The following PCYT1A variants were observed in gnomAD, a reference collection of about 807,000 sequenced individuals.
PCYT1A encodes the protein choline-phosphate cytidylyltransferase A.
Under a neutral mutation model 43.7 loss-of-function variants are expected in PCYT1A, and 25 were observed. The ratio of observed to expected loss-of-function variants is 0.57; its 90% CI spans 0.42 to 0.80. PCYT1A has a LOEUF of 0.80. Among genes scored for constraint, PCYT1A ranks in the 30% least tolerant of loss-of-function variants. The pLI is 0.00. For synonymous variants in PCYT1A, 172 were observed against 170.7 expected, an observed-to-expected ratio of 1.01 and a Z score of -0.06; for missense variants, 421 against 474.2, an observed-to-expected ratio of 0.89 and a Z score of 1.04.
Position 196,238,823 on chromosome 3 carries a change from G to GC in PCYT1A, c.968dup (p.Ser323ArgfsTer38), listed in dbSNP as rs587777196. 13 of 1,569,614 alleles carry GC rather than the reference G, an allele frequency of 8.3e-6. No individual in the cohort carries two copies. The African/African-American group carries it at 1.2e-4, about 15-fold the overall frequency. ...GGGAGGGGGAGCGCTCGCGAGTAGG[G>GC]CTGCTGCTGGGGCTCTGCTTCGGGC... On this transcript the variant is annotated frameshift_variant, in exon 9 of 9. Transcript: ENST00000431016. LOFTEE classifies it high-confidence loss of function.
chr3:196,274,512 A>C (rs936406752), intron 1 of PCYT1A, among the ~76,000 whole-genome samples: 30 of 152,152 alleles, frequency 2.0e-4, no homozygotes, highest in Non-Finnish European at 8.8e-5. Flanking sequence ...TACTGATGAA[A>C]TTTTAGGAAT....
intron 5 of PCYT1A, among the ~76,000 whole-genome samples, chr3:196,246,111 A>G (rs1294235824): frequency 6.6e-6 from 1 of 152,184 alleles, no homozygotes; most frequent in African/African-American, 2.4e-5. Context: ...CTTTGGTGCC[A>G]CTGGCTGCTA....
chr3:196,260,594 G>A (rs1174028381), intron 2 of PCYT1A, among the ~76,000 whole-genome samples: 1 of 152,160 alleles, frequency 6.6e-6, no homozygotes, highest in Non-Finnish European at 1.5e-5. Context: ...TGTAATCCCA[G>A]CACTTTGGGA....
intron 3 of PCYT1A, among the ~76,000 whole-genome samples, chr3:196,249,549 A>T (rs1724683167): frequency 6.6e-6 from 1 of 152,194 alleles, no homozygotes; most frequent in Non-Finnish European, 1.5e-5. Flanking sequence ...AGAAGCCAGG[A>T]AATGATTTCC....
intron 5 of PCYT1A, among the ~76,000 whole-genome samples, chr3:196,243,976 C>T (rs1195063961): frequency 5.9e-5 from 9 of 152,140 alleles, no homozygotes; most frequent in East Asian, 1.9e-4. Flanking sequence ...AAGTGAGGAG[C>T]GTCTCTGCCT....
At chr3:196,258,079 G>A (rs989303030) in intron 2 of PCYT1A, among the ~76,000 whole-genome samples, 192 bp from the exon 3 acceptor site, 19 of 152,154 alleles carry the variant, frequency 1.2e-4, no homozygotes, top group African/African-American at 4.3e-4. Context: ...GAGGTCAGGA[G>A]ATTGAGACAA....
chr3:196,267,396 A>G (rs1286084129), intron 2 of PCYT1A: 1 of 452,460 alleles, frequency 2.2e-6, no homozygotes. Flanking sequence ...ACTGCTAATG[A>G]GTACAGGCCT....
chr3:196,246,937 T>TTG, intron 5 of PCYT1A, among the ~76,000 whole-genome samples: 1 of 151,416 alleles, frequency 6.6e-6, no homozygotes, highest in Admixed American at 6.6e-5. Flanking sequence ...GTGGTGTAAC[T>TTG]TGTGGCGAGT....
rs1480730124 is a variant in PCYT1A, at chr3:196,252,022, G to A, written c.218-3699C>T. 1.3e-5 allele frequency among the ~76,000 whole-genome samples: 2 copies of A among 151,878 alleles called. No individual in the cohort carries two copies. Among genetic ancestry groups the A allele is most frequent in the African/African-American group, 2.4e-5 (1 of 41,310 alleles). The stretch of plus-strand genomic sequence containing the variant: ...CCTCCCAGGCTCAAATGATCCTCCC[G>A]CCTCAGCCTCCCGAGAAGCTGGGAC... On this transcript the variant is annotated intron_variant, in intron 3 of 8. Transcript: ENST00000431016. The surrounding 1 kb of genome is among the most constrained non-coding windows in gnomAD (Gnocchi z 4.0).
At position 196,238,735 on chromosome 3, in the gene PCYT1A, T is replaced by G. The variant is rs1303260860; in HGVS notation, c.1057A>C (p.Arg353=). The G allele has an allele frequency of 6.3e-7, 1 of 1,591,562 alleles. No homozygotes were observed. Among genetic ancestry groups the G allele is most frequent in the Non-Finnish European group, 8.5e-7 (1 of 1,170,000 alleles). The change falls in exon 9 of 9, where the codon AGG becomes CGG. Residue 353 remains arginine (R), a synonymous_variant. Transcript: ENST00000431016. ...SPPCSPANLS[R]HKAAAYDISE... is the part of the protein sequence containing the mutation. The stretch of plus-strand genomic sequence containing the variant: ...ATATCATAGGCTGCAGCCTTGTGCC[T>G]GGAGAGATTTGCTGGGGAGCAAGGT...
intron 2 of PCYT1A, chr3:196,267,229 G>A (rs1427664956): frequency 7.1e-6 from 3 of 424,512 alleles, no homozygotes; most frequent in Non-Finnish European, 1.4e-5. Context: ...CAGTACGAAT[G>A]AATCTTCAAA....
intron 2 of PCYT1A, 96 bp downstream of exon 2, chr3:196,270,319 T>C: frequency 1.2e-6 from 1 of 808,656 alleles, no homozygotes. Context: ...ACACTTACTA[T>C]TCCTTCTTTT....
At chr3:196,272,823 T>C (rs547108886) in intron 1 of PCYT1A, among the ~76,000 whole-genome samples, 42 of 152,350 alleles carry the variant, frequency 2.8e-4, no homozygotes, top group Non-Finnish European at 4.4e-5. Context: ...ATTTCATGTT[T>C]AAGTCACAGA....
intron 1 of PCYT1A, among the ~76,000 whole-genome samples, chr3:196,280,570 G>GTTTTTTTTTT: frequency 2.0e-4 from 18 of 91,332 alleles, no homozygotes; most frequent in South Asian, 4.0e-4. Flanking sequence ...TATTTTTATT[G>GTTTTTTTTTT]TTTTTTTTTT....
At position 196,247,353 on chromosome 3, in the gene PCYT1A, G is replaced by A; in HGVS notation, c.486+14C>T. On this transcript the variant is annotated intron_variant, in intron 5 of 8. Coordinates refer to ENST00000431016, the MANE Select transcript of PCYT1A (RefSeq NM_001312673.2). This position sits in a 1 kb window ranked among gnomAD's most constrained non-coding sequence, Gnocchi z 4.8. ...TCTGAAACAAGGAATGGGAATATGT[G>A]TCCAGTTTCTTACCCGGTGTTCGGC... is the stretch of plus-strand genomic sequence containing the variant. 1 of 1,613,248 alleles carries A rather than the reference G, an allele frequency of 6.2e-7. No individual in the cohort carries two copies. The highest frequency in any genetic ancestry group is 8.5e-7 in the Non-Finnish European group (1 of 1,179,814).
In PCYT1A at chr3:196,242,204, G is replaced by C; in HGVS notation, c.566-114C>G. The C allele has an allele frequency of 9.5e-7, 1 of 1,051,198 alleles. No individual in the cohort carries two copies. Among genetic ancestry groups the C allele is most frequent in the Non-Finnish European group, 1.4e-6 (1 of 696,530 alleles). The allele number at this position is 1,051,198 out of a possible 1,614,324, so 65.1% of individuals were successfully genotyped here. ...TTCCTTTCCTCAAAAAGCAGAATCTGTTATTACTAAATGAAACTGAAAGAT... is the reference window on the plus strand; with the variant it reads ...TTCCTTTCCTCAAAAAGCAGAATCTCTTATTACTAAATGAAACTGAAAGAT... On this transcript the variant is annotated intron_variant, in intron 6 of 8. Coordinates refer to ENST00000431016, the MANE Select transcript of PCYT1A (RefSeq NM_001312673.2). This position sits in a 1 kb window ranked among gnomAD's most constrained non-coding sequence, Gnocchi z 4.2.
intron 7 of PCYT1A, chr3:196,241,417 G>A: frequency 1.3e-6 from 1 of 795,156 alleles, no homozygotes; most frequent in Non-Finnish European, 1.8e-6. Flanking sequence ...CAAACTCCTG[G>A]CCTCAAGCAG....
At position 196,257,871 on chromosome 3, in the gene PCYT1A, G is replaced by T; in HGVS notation, c.134C>A (p.Ala45Asp). The T allele has an allele frequency of 6.2e-7, 1 of 1,612,286 alleles. No homozygotes were observed. Residue 45 changes from alanine to aspartate, a missense_variant, in exon 3 of 9, where the codon GCT (alanine) becomes GAT (aspartate). This residue lies in a region of PCYT1A where 139 missense variants were observed against 117.7 expected (regional missense o/e 1.18). Transcript: ENST00000431016. ...QRCAVGLRQPAPFSDEIEVDF... is the reference protein window; with the variant it reads ...QRCAVGLRQPDPFSDEIEVDF... ...AACTTCAATTTCATCAGAAAAAGGAGCTGGTTGCCGTAAGCCCTTAAGAAA... is the reference window on the plus strand; with the variant it reads ...AACTTCAATTTCATCAGAAAAAGGATCTGGTTGCCGTAAGCCCTTAAGAAA...
chr3:196,264,733 AGAGATT>A (rs1200453950), intron 2 of PCYT1A, among the ~76,000 whole-genome samples: 1 of 152,000 alleles, frequency 6.6e-6, no homozygotes, highest in Non-Finnish European at 1.5e-5. Flanking sequence ...TTTTTTCTCA[AGAGATT>A]GACTTTGTAA....
Sources: gnomAD v4.1 joint callset for allele counts (sites outside exome capture counted in the v4.1 genomes callset) on GRCh38, gnomAD v4.1.1 for gene constraint, gnomAD v4.1.1 regional missense constraint, Gnocchi (gnomAD v3.1) non-coding constraint, MANE v1.5 for transcripts, NCBI Gene and HGNC (gene_info 2026-07-23, HGNC 2026-07-21) for gene names.